IQSEC1: variants seen among roughly 807,000 people sequenced by gnomAD.
The protein encoded by IQSEC1 is IQ motif and SEC7 domain-containing protein 1.
Under a neutral mutation model 91.0 loss-of-function variants are expected in IQSEC1, and 31 were observed. The observed-to-expected ratio is 0.34, with a 90% CI of 0.26 to 0.46. IQSEC1 has a LOEUF of 0.46. IQSEC1 is among the 20% of genes least tolerant of loss of function. The pLI, the probability that IQSEC1 is intolerant of heterozygous loss-of-function variation, is 1.00. For missense variants in IQSEC1, 1,388 were observed against 1,575.6 expected (o/e 0.88, Z 2.02); for synonymous variants, 699 against 662.6 (o/e 1.05, Z -0.84).
Position 12,922,365 on chromosome 3 carries a change from G to C in IQSEC1, c.1731-123C>G, listed in dbSNP as rs1696713078. On this transcript the variant is annotated intron_variant, in intron 4 of 13. Transcript: ENST00000613206. The surrounding 1 kb of genome is among the most constrained non-coding windows in gnomAD (Gnocchi z 5.1). ...CCGCCTCCTGGCAGGGAGAGCCCCT[G>C]CCTGACTCCGACCAATCAGCCAAGA... is the stretch of plus-strand genomic sequence containing the variant. 1 of 1,233,608 alleles carries C rather than the reference G, an allele frequency of 8.1e-7. No individual in the cohort carries two copies. Among genetic ancestry groups the C allele is most frequent in the Non-Finnish European group, 1.1e-6 (1 of 925,582 alleles). The allele number at this position is 1,233,608 out of a possible 1,614,324, so 76.4% of individuals were successfully genotyped here.
At chr3:13,217,513 T>C (rs954401040) in intron 1 of IQSEC1, among the ~76,000 whole-genome samples, 15 of 152,180 alleles carry the variant, frequency 9.9e-5, no homozygotes, top group African/African-American at 3.4e-4. Flanking sequence ...TTCACAATGC[T>C]TCTGCCTTAA....
At position 12,900,398 on chromosome 3, in the gene IQSEC1, T is replaced by G. The variant is rs1694114989; in HGVS notation, c.*585A>C. The G allele has an allele frequency of 2.0e-6, 2 of 984,422 alleles. No individual in the cohort carries two copies. Among genetic ancestry groups the G allele is most frequent in the Non-Finnish European group, 2.4e-6 (2 of 829,772 alleles). The allele number at this position is 984,422 out of a possible 1,614,324, so 61.0% of individuals were successfully genotyped here. A position where few individuals can be genotyped will look rare whatever the true frequency, so the allele number is the denominator to read the frequency against. Reference sequence around the variant, plus strand: ...AGTGGAGCTCCTTGTAAGGTGGGTATTGCTAATGTGGACTGAAACGCCTGC... The same window carrying G: ...AGTGGAGCTCCTTGTAAGGTGGGTAGTGCTAATGTGGACTGAAACGCCTGC... On this transcript the variant is annotated 3_prime_UTR_variant, in exon 14 of 14. Transcript: ENST00000613206.
intron 2 of IQSEC1, among the ~76,000 whole-genome samples, chr3:13,160,110 G>A (rs1165905939): frequency 6.6e-6 from 1 of 152,172 alleles, no homozygotes; most frequent in Non-Finnish European, 1.5e-5. Context: ...TCTTGCAAAT[G>A]TTTTGCCTCA....
At chr3:13,227,324 CG>C (rs1202166592) in intron 1 of IQSEC1, among the ~76,000 whole-genome samples, 4 of 127,624 alleles carry the variant, frequency 3.1e-5, no homozygotes, top group Non-Finnish European at 6.2e-5. Context: ...TGCCGTGAGC[CG>C]AGATTGCGCC....
chr3:13,044,961 C>T (rs753836594), intron 1 of IQSEC1, among the ~76,000 whole-genome samples: 15 of 152,252 alleles, frequency 9.9e-5, no homozygotes, highest in Admixed American at 2.0e-4. Context: ...CACCAATGCT[C>T]TTCTGGTCTC....
intron 1 of IQSEC1, among the ~76,000 whole-genome samples, chr3:13,033,279 C>T (rs1703915735): frequency 6.6e-6 from 1 of 152,172 alleles, no homozygotes; most frequent in Admixed American, 6.5e-5. Context: ...CAGATCAAGA[C>T]AGAGAGGCCC....
At chr3:13,102,114 C>T (rs889840459) in intron 2 of IQSEC1, among the ~76,000 whole-genome samples, 9 of 151,760 alleles carry the variant, frequency 5.9e-5, no homozygotes, top group Non-Finnish European at 1.3e-4. Context: ...CCTGTCTCTA[C>T]AAAAAATGCA....
At chr3:13,160,448 C>T (rs1314802804) in intron 2 of IQSEC1, among the ~76,000 whole-genome samples, 1 of 152,136 alleles carries the variant, frequency 6.6e-6, no homozygotes, top group Non-Finnish European at 1.5e-5. Context: ...AGTGTGAGCC[C>T]CCAAGCCCTG....
At chr3:12,995,287 G>T (rs2125645386) in intron 1 of IQSEC1, among the ~76,000 whole-genome samples, 1 of 152,384 alleles carries the variant, frequency 6.6e-6, no homozygotes, top group African/African-American at 2.4e-5. Flanking sequence ...TGGGCAAGAC[G>T]TTTCCCCCTC....
At position 12,924,808 on chromosome 3, in the gene IQSEC1, A is replaced by C; in HGVS notation, c.1569-66T>G. 1 of 1,445,328 alleles carries C rather than the reference A, an allele frequency of 6.9e-7. No homozygotes were observed. Among genetic ancestry groups the C allele is most frequent in the Non-Finnish European group, 9.3e-7 (1 of 1,072,754 alleles). 89.5% of individuals were successfully genotyped at this position (1,445,328 alleles called of 1,614,324 possible). A position where few individuals can be genotyped will look rare whatever the true frequency, so the allele number is the denominator to read the frequency against. ...GCCACCAGCCAGGCACCTGGAGGGG[A>C]TCTCCGCTCAGTGGACGGTCGACAT... On this transcript the variant is annotated intron_variant, in intron 3 of 13. Coordinates refer to ENST00000613206, the MANE Select transcript of IQSEC1 (RefSeq NM_001134382.3). The surrounding 1 kb of genome is among the most constrained non-coding windows in gnomAD (Gnocchi z 6.3).
chr3:12,920,332 A>T (rs1457753240), intron 6 of IQSEC1, 98 bp downstream of exon 6: 3 of 1,232,360 alleles, frequency 2.4e-6, no homozygotes, highest in Non-Finnish European at 3.5e-6. Flanking sequence ...CAGCTCCCCA[A>T]CTGGAGGTTG....
rs1051529737 is a variant in IQSEC1 at position 13,196,240 on chromosome 3, C to T, written c.273-32107G>A. Among the ~76,000 whole-genome samples the T allele has an allele frequency of 2.6e-5, 4 of 152,146 alleles. No homozygotes were observed. In the East Asian group the frequency reaches 5.8e-4, roughly 22 times the overall value. ...GTCCCAAGAGGATGCCAACATCGAC[C>T]GAGACACGTTAGTGACAGAGCCTTC... is the stretch of plus-strand genomic sequence containing the variant. On this transcript the variant is annotated intron_variant, in intron 1 of 15. Coordinates refer to the IQSEC1 transcript ENST00000648114.
chr3:13,048,581 G>A (rs1704578242), intron 1 of IQSEC1, among the ~76,000 whole-genome samples: 1 of 152,214 alleles, frequency 6.6e-6, no homozygotes. Flanking sequence ...GCCCAAGCTG[G>A]GTGCCTGCCA....
At chr3:13,150,585 A>G (rs879407811) in intron 2 of IQSEC1, among the ~76,000 whole-genome samples, 1 of 152,208 alleles carries the variant, frequency 6.6e-6, no homozygotes, top group Non-Finnish European at 1.5e-5. Flanking sequence ...TCGGGGCAGC[A>G]GGAGTTCAGG....
chr3:13,261,587 T>A (rs1695387680), intron 1 of IQSEC1, among the ~76,000 whole-genome samples: 1 of 150,988 alleles, frequency 6.6e-6, no homozygotes, highest in South Asian at 2.1e-4. Flanking sequence ...TGTTCCCATC[T>A]CCCCCATCCC....
chr3:12,901,632 G>T, intron 13 of IQSEC1, 110 bp from the exon 14 acceptor site: 1 of 928,612 alleles, frequency 1.1e-6, no homozygotes, highest in Non-Finnish European at 1.6e-6. Flanking sequence ...CTAAGCTTTA[G>T]TTCAACTCAC....
chr3:13,260,681 T>G (rs1034107470), intron 1 of IQSEC1, among the ~76,000 whole-genome samples: 1 of 152,202 alleles, frequency 6.6e-6, no homozygotes, highest in Non-Finnish European at 1.5e-5. Context: ...CCAGACACTA[T>G]GCAGGGACTG....
chr3:13,115,198 A>G (rs991525733), intron 2 of IQSEC1, among the ~76,000 whole-genome samples: 2 of 152,160 alleles, frequency 1.3e-5, no homozygotes, highest in African/African-American at 4.8e-5. Context: ...GCTCTTCCCT[A>G]CCTGGTCCTG....
At chr3:13,106,430 C>CTA in intron 2 of IQSEC1, among the ~76,000 whole-genome samples, 1 of 152,304 alleles carries the variant, frequency 6.6e-6, no homozygotes, top group East Asian at 1.9e-4. Flanking sequence ...CGAGCACTTG[C>CTA]TATATGTCAG....
Sources: allele counts gnomAD v4.1 joint callset (sites outside exome capture counted in the v4.1 genomes callset), GRCh38; gene constraint gnomAD v4.1.1; non-coding constraint Gnocchi (gnomAD v3.1); transcripts MANE v1.5; gene names NCBI Gene and HGNC (gene_info 2026-07-23, HGNC 2026-07-21).